The following KCTD17 variants were observed in gnomAD, a reference collection of about 807,000 sequenced individuals.
KCTD17 encodes the protein potassium channel tetramerization domain containing 17.
Under a neutral mutation model 41.5 loss-of-function variants are expected in KCTD17, and 20 were observed. The ratio of observed to expected loss-of-function variants is 0.48; its 90% CI spans 0.34 to 0.70. KCTD17 has a LOEUF of 0.70. Ranked by LOEUF, KCTD17 falls within the 30% of genes least tolerant of loss-of-function variation. KCTD17 has a pLI of 0.01. For missense variants in KCTD17, 317 were observed against 427.2 expected (o/e 0.74, Z 2.27); for synonymous variants, 156 against 173.8 (o/e 0.90, Z 0.80).
chr22:37,057,731 G>T (rs558278534), intron 4 of KCTD17, among the ~76,000 whole-genome samples: 2 of 152,342 alleles, frequency 1.3e-5, no homozygotes, highest in East Asian at 3.9e-4. Context: ...GGGTGTCCTT[G>T]TTGGTGGGAG....
intron 8 of KCTD17, chr22:37,062,282 T>C: frequency 2.0e-6 from 2 of 984,544 alleles, no homozygotes; most frequent in Non-Finnish European, 2.4e-6. Context: ...GGCATGGGGC[T>C]CCTGGATGGG....
Position 37,053,001 on chromosome 22 carries a change from A to C in KCTD17, c.190-99A>C. 1 of 967,958 alleles carries C rather than the reference A, an allele frequency of 1.0e-6. No homozygotes were observed. The highest frequency in any genetic ancestry group is 1.6e-6 in the Non-Finnish European group (1 of 629,528). The allele number at this position is 967,958 out of a possible 1,614,324, so 60.0% of individuals were successfully genotyped here. On this transcript the variant is annotated intron_variant, in intron 1 of 8. Transcript: ENST00000403888. This position sits in a 1 kb window ranked among gnomAD's most constrained non-coding sequence, Gnocchi z 4.1. ...ACTTTGTGCCTGCTCCATCCAGGGA[A>C]GAGCTCTCCCTCCACTCTCCTTCCC...
Position 37,061,899 on chromosome 22 carries a change from C to T in KCTD17, c.875+270C>T, listed in dbSNP as rs1925844284. ...GGCCAAGTCCCTGCACATCCAGGAG[C>T]TCCTGTGTCACTGCCTTGTGGCATC... On this transcript the variant is annotated intron_variant, in intron 8 of 8. Transcript: ENST00000403888. This position sits in a 1 kb window ranked among gnomAD's most constrained non-coding sequence, Gnocchi z 6.6. 1.0e-6 allele frequency: 1 copy of T among 985,452 alleles called. No homozygotes were observed. Among genetic ancestry groups the T allele is most frequent in the Non-Finnish European group, 1.2e-6 (1 of 829,924 alleles). 61.0% of individuals were successfully genotyped at this position (985,452 alleles called of 1,614,324 possible).
In KCTD17 at chr22:37,053,186, G is replaced by A. The variant is rs541254320; in HGVS notation, c.276G>A (p.Leu92=). Residue 92 remains leucine, a synonymous_variant, in exon 2 of 9, where the codon CTG becomes CTA. Coordinates refer to ENST00000403888, the MANE Select transcript of KCTD17 (RefSeq NM_001282684.2). The surrounding 1 kb of genome is among the most constrained non-coding windows in gnomAD (Gnocchi z 4.1). ...LNFLRHGKLV[L]DKDMAEEGVL... ...TCCTCCGGCATGGCAAGCTGGTGCT[G>A]GACAAGGACATGGCTGAGGAGGGTG... 4.4e-6 allele frequency: 7 copies of A among 1,605,038 alleles called. No individual in the cohort carries two copies. The highest frequency in any genetic ancestry group is 6.0e-6 in the Non-Finnish European group (7 of 1,175,988).
At chr22:37,057,331 G>A (rs1925250435) in intron 3 of KCTD17, 67 bp from the exon 4 acceptor site, 1 of 1,238,020 alleles carries the variant, frequency 8.1e-7, no homozygotes, top group African/African-American at 1.5e-5. Context: ...GGCAGCAGGT[G>A]CTCATGCCCC....
In KCTD17 at chr22:37,061,424, T is replaced by G; in HGVS notation, c.785-115T>G. On this transcript the variant is annotated intron_variant, in intron 7 of 8. Coordinates refer to ENST00000403888, the MANE Select transcript of KCTD17 (RefSeq NM_001282684.2). This position sits in a 1 kb window ranked among gnomAD's most constrained non-coding sequence, Gnocchi z 6.6. ...CCAGCCTGGGGAGGAGGGGCGCAGC[T>G]GCACCTCCTCTGTGCCCACTAACCC... 1.3e-6 allele frequency: 2 copies of G among 1,482,854 alleles called. No homozygotes were observed. The highest frequency in any genetic ancestry group is 1.8e-6 in the Non-Finnish European group (2 of 1,116,824). The allele number at this position is 1,482,854 out of a possible 1,614,324, so 91.9% of individuals were successfully genotyped here.
intron 3 of KCTD17, 126 bp from the exon 4 acceptor site, chr22:37,057,272 C>T: frequency 2.6e-6 from 2 of 766,526 alleles, no homozygotes; most frequent in African/African-American, 1.7e-5. Flanking sequence ...CCCCAACCAC[C>T]TCTTCTTTCT....
chr22:37,054,545 C>G (rs923741754), intron 2 of KCTD17, among the ~76,000 whole-genome samples: 1 of 152,028 alleles, frequency 6.6e-6, no homozygotes, highest in African/African-American at 2.4e-5. Context: ...AGGGCTAGGG[C>G]TCATCCAGGG....
chr22:37,062,883 G>C lies in KCTD17; in HGVS notation c.*289G>C, dbSNP rs533727767. The C allele has an allele frequency of 3.1e-5, 16 of 514,584 alleles. 1 individual carries two copies. In the South Asian group the frequency reaches 4.3e-4, roughly 14 times the overall value. The allele number at this position is 514,584 out of a possible 1,614,324, so 31.9% of individuals were successfully genotyped here. On this transcript the variant is annotated 3_prime_UTR_variant, in exon 9 of 9. Coordinates refer to ENST00000403888, the MANE Select transcript of KCTD17 (RefSeq NM_001282684.2). ...TGGTGGATGTGCTCCTTCCTGGCCC[G>C]GTCACATTGCCTCCTTGAGCCTTAG...
Position 37,054,599 on chromosome 22 carries a change from G to A in KCTD17, c.298+1391G>A, listed in dbSNP as rs564944796. On this transcript the variant is annotated intron_variant, in intron 2 of 8. Coordinates refer to ENST00000403888, the MANE Select transcript of KCTD17 (RefSeq NM_001282684.2). The stretch of plus-strand genomic sequence containing the variant: ...AGACTTACTAGCTGTGTGACACTGA[G>A]AAAGTGACCTAACCCCTCTGTGTCT... 1.1e-3 allele frequency among the ~76,000 whole-genome samples: 162 copies of A among 152,244 alleles called. 4 individuals are homozygous for A. In the South Asian group the frequency reaches 0.032, roughly 30 times the overall value.
At position 37,056,322 on chromosome 22, in the gene KCTD17, G is replaced by C. The variant is rs1601488568; in HGVS notation, c.301G>C (p.Val101Leu). The C allele has an allele frequency of 1.9e-6, 3 of 1,613,042 alleles. No individual in the cohort carries two copies. The East Asian group carries it at 6.7e-5, about 36-fold the overall frequency. The change falls in exon 3 of 9, where the codon GTC becomes CTC. Residue 101 changes from valine to leucine, a missense_variant and splice_region_variant. By Grantham distance (32) the Val-to-Leu change is conservative (BLOSUM62 1). This residue lies in a region of KCTD17 where 99 missense variants were observed against 166.5 expected (regional missense o/e 0.59). Coordinates refer to ENST00000403888, the MANE Select transcript of KCTD17 (RefSeq NM_001282684.2). ...VLDKDMAEEGVLEEAEFYNIG... is the reference protein window; with the variant it reads ...VLDKDMAEEGLLEEAEFYNIG... ...GGGATCTGTTCTGTCTGTGCCAGGGGTCCTGGAGGAAGCCGAGTTCTACAA... is the reference window on the plus strand; with the variant it reads ...GGGATCTGTTCTGTCTGTGCCAGGGCTCCTGGAGGAAGCCGAGTTCTACAA...
intron 1 of KCTD17, 61 bp downstream of exon 1, chr22:37,052,010 C>A: frequency 7.7e-7 from 1 of 1,291,852 alleles, no homozygotes; most frequent in Non-Finnish European, 9.8e-7. Context: ...CGACGCGGGG[C>A]TGTCGGGCCT....
Position 37,053,006 on chromosome 22 carries a change from T to C in KCTD17, c.190-94T>C. ...GTGCCTGCTCCATCCAGGGAAGAGC[T>C]CTCCCTCCACTCTCCTTCCCTCCCT... On this transcript the variant is annotated intron_variant, in intron 1 of 8. Transcript: ENST00000403888. The surrounding 1 kb of genome is among the most constrained non-coding windows in gnomAD (Gnocchi z 4.1). 1 of 1,020,800 alleles carries C rather than the reference T, an allele frequency of 9.8e-7. No homozygotes were observed. The highest frequency in any genetic ancestry group is 1.4e-5 in the South Asian group (1 of 70,300). The allele number at this position is 1,020,800 out of a possible 1,614,324, so 63.2% of individuals were successfully genotyped here. A position where few individuals can be genotyped will look rare whatever the true frequency, so the allele number is the denominator to read the frequency against.
chr22:37,051,794 G>C lies in KCTD17; in HGVS notation c.34G>C (p.Ala12Pro). 7.9e-7 allele frequency: 1 copy of C among 1,258,646 alleles called. No individual in the cohort carries two copies. The highest frequency in any genetic ancestry group is 1.0e-6 in the Non-Finnish European group (1 of 1,003,298). 78.0% of individuals were successfully genotyped at this position (1,258,646 alleles called of 1,614,324 possible). A position where few individuals can be genotyped will look rare whatever the true frequency, so the allele number is the denominator to read the frequency against. ...RMEAGEAAPP[A>P]GAGGRAAGGW... is the part of the protein sequence containing the mutation. The stretch of plus-strand genomic sequence containing the variant: ...GGAGGCCGGGGAGGCAGCGCCGCCG[G>C]CGGGGGCGGGCGGCCGCGCCGCAGG... The change falls in exon 1 of 9, where the codon GCG becomes CCG. Residue 12 changes from alanine to proline, a missense_variant. This residue lies in a region of KCTD17 where 99 missense variants were observed against 166.5 expected (regional missense o/e 0.59). Transcript: ENST00000403888.
chr22:37,062,117 T>A (rs1206687692), intron 8 of KCTD17: 1 of 983,406 alleles, frequency 1.0e-6, no homozygotes, highest in East Asian at 1.1e-4. Context: ...TGGGCCACAA[T>A]TGCCTCTAAA....
rs1449012499 is a variant in KCTD17, at chr22:37,062,551, G to A, written c.902G>A (p.Cys301Tyr). 1.2e-6 allele frequency: 2 copies of A among 1,613,218 alleles called. No homozygotes were observed. Among genetic ancestry groups the A allele is most frequent in the Non-Finnish European group, 8.5e-7 (1 of 1,179,724 alleles). The change falls in exon 9 of 9, where the codon TGT becomes TAT. Residue 301 changes from cysteine (C) to tyrosine (Y), a missense_variant. Physicochemically the swap from Cys to Tyr is radical, Grantham distance 194. Coordinates refer to ENST00000403888, the MANE Select transcript of KCTD17 (RefSeq NM_001282684.2). The part of the protein sequence containing the change: ...PCCYKPEAPG[C>Y]EAPDHLQGLG... ...TGTTACAAGCCAGAGGCACCCGGAT[G>A]TGAGGCCCCAGATCACCTCCAGGGA...
At position 37,057,488 on chromosome 22, in the gene KCTD17, G is replaced by A. The variant is rs755029917; in HGVS notation, c.481G>A (p.Glu161Lys). 1 of 1,610,550 alleles carries A rather than the reference G, an allele frequency of 6.2e-7. No individual in the cohort carries two copies. The highest frequency in any genetic ancestry group is 8.5e-7 in the Non-Finnish European group (1 of 1,179,656). Residue 161 changes from glutamate to lysine, a missense_variant, in exon 4 of 9, where the codon GAG (glutamate) becomes AAG (lysine). Coordinates refer to ENST00000403888, the MANE Select transcript of KCTD17 (RefSeq NM_001282684.2). ...VSTMSDGWRF[E>K]QLVNIGSSYN... ...CACCATGTCTGATGGCTGGCGCTTC[G>A]AGCAGGTGCGCTGGGGACAGGGGCG...
chr22:37,052,989 T>C, intron 1 of KCTD17, 111 bp from the exon 2 acceptor site: 1 of 866,636 alleles, frequency 1.2e-6, no homozygotes, highest in Non-Finnish European at 1.8e-6. Flanking sequence ...TTGTGCCTGC[T>C]CCATCCAGGG....
chr22:37,055,587 C>T (rs1925005661), intron 2 of KCTD17, among the ~76,000 whole-genome samples: 1 of 152,238 alleles, frequency 6.6e-6, no homozygotes, highest in African/African-American at 2.4e-5. Context: ...CTCATCGCTT[C>T]ACTGGTGGGC....
Sources: gnomAD v4.1 joint callset for allele counts (sites outside exome capture counted in the v4.1 genomes callset) on GRCh38, gnomAD v4.1.1 for gene constraint, gnomAD v4.1.1 regional missense constraint, Gnocchi (gnomAD v3.1) non-coding constraint, MANE v1.5 for transcripts, NCBI Gene and HGNC (gene_info 2026-07-23, HGNC 2026-07-21) for gene names.